Variants in DTWD2 observed in about 807,000 individuals in gnomAD.
DTWD2 encodes the protein DTW motif tRNA-uridine aminocarboxypropyltransferase 2, also known as tRNA-uridine aminocarboxypropyltransferase 2.
In DTWD2, 39 loss-of-function variants were observed where a neutral mutation model predicts 31.8. That is an observed-to-expected ratio of 1.22 (90% CI 0.95 to 1.60). The LOEUF (loss-of-function observed/expected upper bound fraction) is 1.60. Ranked by LOEUF, DTWD2 falls within the 40% of genes most tolerant of loss-of-function variation. The pLI is 0.00. For missense variants in DTWD2, 515 were observed against 381.5 expected (o/e 1.35, Z -2.92); for synonymous variants, 180 against 142.8 (o/e 1.26, Z -1.86).
chr5:118,974,607 T>C, intron 1 of DTWD2: 1 of 505,740 alleles, frequency 2.0e-6, no homozygotes, highest in Non-Finnish European at 4.0e-6. Flanking sequence ...AGCATTCCAG[T>C]AACTTTTTTG....
chr5:118,866,456 A>C (rs1390509061), intron 4 of DTWD2, among the ~76,000 whole-genome samples: 1 of 152,216 alleles, frequency 6.6e-6, no homozygotes, highest in Non-Finnish European at 1.5e-5. Flanking sequence ...CTTCATAAGC[A>C]AATTGAATCC....
intron 4 of DTWD2, among the ~76,000 whole-genome samples, chr5:118,852,914 C>A (rs1752044788): frequency 6.6e-6 from 1 of 152,070 alleles, no homozygotes; most frequent in Non-Finnish European, 1.5e-5. Flanking sequence ...TCCTTTGCAG[C>A]AACATGGATG....
intron 4 of DTWD2, among the ~76,000 whole-genome samples, chr5:118,881,787 G>A (rs1188247613): frequency 6.6e-6 from 1 of 152,124 alleles, no homozygotes. Context: ...ACCATCATGA[G>A]AATGGCAAGA....
rs1277436124 is a variant in DTWD2, at chr5:118,931,060, G to GA, written c.405-2332dup. Among the ~76,000 whole-genome samples the GA allele has an allele frequency of 2.2e-3, 325 of 145,396 alleles. 1 individual carries two copies. Among genetic ancestry groups the GA allele is most frequent in the African/African-American group, 6.7e-3 (266 of 39,724 alleles). On this transcript the variant is annotated intron_variant, in intron 3 of 5. Transcript: ENST00000510708. The stretch of plus-strand genomic sequence containing the variant: ...AATTACATCTCAATAAAGCCCTTTT[G>GA]AAAAAAAAAAGGGATGAAGATATAT...
chr5:118,988,258 G>T (rs1755476139), intron 1 of DTWD2, 36 bp downstream of exon 1: 1 of 1,530,176 alleles, frequency 6.5e-7, no homozygotes, highest in African/African-American at 1.4e-5. Context: ...GAAGGCCGCT[G>T]CCGGCTGCAG....
chr5:118,959,331 A>C (rs1015998915), intron 1 of DTWD2, among the ~76,000 whole-genome samples: 4 of 152,170 alleles, frequency 2.6e-5, no homozygotes, highest in Non-Finnish European at 5.9e-5. Flanking sequence ...CAAATCAAGA[A>C]CACAATCCCA....
Position 118,988,344 on chromosome 5 carries a change from C to A in DTWD2, c.168G>T (p.Trp56Cys). ...EADDDSADGL[W>C]ELPVEPAERR... is the part of the protein sequence containing the mutation. ...GCTCGGCCGGCTCCACCGGCAGCTC[C>A]CACAGCCCGTCCGCACTGTCGTCGT... The change falls in exon 1 of 6, where the codon TGG becomes TGT. Residue 56 changes from tryptophan to cysteine, a missense_variant. Trp to Cys is a radical substitution (Grantham distance 215, BLOSUM62 -2). Coordinates refer to ENST00000510708, the MANE Select transcript of DTWD2 (RefSeq NM_173666.4). 6.4e-7 allele frequency: 1 copy of A among 1,557,918 alleles called. No individual in the cohort carries two copies. Among genetic ancestry groups the A allele is most frequent in the South Asian group, 1.2e-5 (1 of 85,372 alleles).
chr5:118,869,799 A>T (rs75939652), intron 4 of DTWD2, among the ~76,000 whole-genome samples: 162 of 152,338 alleles, frequency 1.1e-3, no homozygotes, highest in Middle Eastern at 3.4e-3. Context: ...TAATTATCTT[A>T]TACGGCCTGG....
chr5:118,952,718 G>C (rs545082519), intron 1 of DTWD2, among the ~76,000 whole-genome samples: 1 of 152,274 alleles, frequency 6.6e-6, no homozygotes, highest in South Asian at 2.1e-4. Context: ...GAAGTGGTTA[G>C]ATTCTCAGCC....
intron 4 of DTWD2, among the ~76,000 whole-genome samples, chr5:118,876,274 C>A (rs1752619545): frequency 6.6e-6 from 1 of 152,024 alleles, no homozygotes; most frequent in Admixed American, 6.6e-5. Flanking sequence ...AAATTAACAA[C>A]CTAACATCTC....
At chr5:118,982,991 A>G (rs976993185) in intron 1 of DTWD2, among the ~76,000 whole-genome samples, 20 of 152,030 alleles carry the variant, frequency 1.3e-4, no homozygotes, top group Admixed American at 1.2e-3. Flanking sequence ...GCCTGGCCCA[A>G]AATAGTTTAT....
intron 1 of DTWD2, chr5:118,973,854 AGAAG>A: frequency 1.2e-6 from 2 of 1,612,372 alleles, no homozygotes; most frequent in South Asian, 2.2e-5. Context: ...TTACAGGAGA[AGAAG>A]GAAGTTGTGG....
chr5:118,866,996 G>A (rs1381190066), intron 4 of DTWD2, among the ~76,000 whole-genome samples: 1 of 151,918 alleles, frequency 6.6e-6, no homozygotes, highest in East Asian at 1.9e-4. Flanking sequence ...CATTATAGTT[G>A]TTGTTGTTAT....
intron 1 of DTWD2, among the ~76,000 whole-genome samples, chr5:118,980,087 T>G (rs1039377887): frequency 6.6e-6 from 1 of 152,228 alleles, no homozygotes; most frequent in Non-Finnish European, 1.5e-5. Flanking sequence ...ATGGGTCTCT[T>G]ACATTTCTGT....
intron 1 of DTWD2, among the ~76,000 whole-genome samples, chr5:118,982,334 C>T (rs901593346): frequency 6.6e-6 from 1 of 152,078 alleles, no homozygotes; most frequent in Non-Finnish European, 1.5e-5. Flanking sequence ...ATAAATCAAA[C>T]ACTTAGAAAG....
At chr5:118,977,025 G>A (rs1337905266) in intron 1 of DTWD2, among the ~76,000 whole-genome samples, 1 of 152,142 alleles carries the variant, frequency 6.6e-6, no homozygotes, top group East Asian at 1.9e-4. Flanking sequence ...ATGCAAGGCT[G>A]GTTCAACATA....
At chr5:118,843,097 T>C (rs939378121) in intron 5 of DTWD2, among the ~76,000 whole-genome samples, 21 of 151,620 alleles carry the variant, frequency 1.4e-4, no homozygotes, top group Non-Finnish European at 3.1e-4. Context: ...GCTGGGACTA[T>C]AGGTGCATGC....
chr5:118,841,624 C>T (rs1307000981), intron 5 of DTWD2, among the ~76,000 whole-genome samples: 1 of 152,156 alleles, frequency 6.6e-6, no homozygotes, highest in East Asian at 1.9e-4. Context: ...ATTATTCTAA[C>T]AATATCTGAA....
In DTWD2 at chr5:118,988,320, C is replaced by T. The variant is rs1423499658; in HGVS notation, c.192G>A (p.Glu64=). The T allele has an allele frequency of 1.3e-6, 2 of 1,533,766 alleles. No homozygotes were observed. Among genetic ancestry groups the T allele is most frequent in the Admixed American group, 2.0e-5 (1 of 49,254 alleles). ...TGCAGCGGGTGCACTCAGGCCTCCG[C>T]TCGGCCGGCTCCACCGGCAGCTCCC... is the stretch of plus-strand genomic sequence containing the variant. ...GLWELPVEPA[E]RRPECTRCSR... The change falls in exon 1 of 6, where the codon GAG becomes GAA. Residue 64 remains glutamate (E), a synonymous_variant. Coordinates refer to ENST00000510708, the MANE Select transcript of DTWD2 (RefSeq NM_173666.4).
Sources: gnomAD v4.1 joint callset for allele counts (sites outside exome capture counted in the v4.1 genomes callset) on GRCh38, gnomAD v4.1.1 for gene constraint, MANE v1.5 for transcripts, NCBI Gene and HGNC (gene_info 2026-07-23, HGNC 2026-07-21) for gene names.